Variants in SAMD12 observed in about 807,000 individuals in gnomAD.
SAMD12 encodes sterile alpha motif domain containing 12.
Under a neutral mutation model 15.0 loss-of-function variants are expected in SAMD12, and 9 were observed. That is an observed-to-expected ratio of 0.60 (90% CI 0.36 to 1.05). SAMD12 has a LOEUF of 1.05. Ranked by LOEUF, SAMD12 falls within the 50% of genes least tolerant of loss-of-function variation. The probability of loss-of-function intolerance (pLI) is 0.01; values close to 1 mark genes in which losing one functional copy is unlikely to be tolerated. For synonymous variants in SAMD12, 86 were observed against 90.1 expected, an observed-to-expected ratio of 0.96 and a Z score of 0.25; for missense variants, 230 against 234.2, an observed-to-expected ratio of 0.98 and a Z score of 0.12.
chr8:118,235,343 T>C (rs1464875623), intron 4 of SAMD12, among the ~76,000 whole-genome samples: 1 of 152,144 alleles, frequency 6.6e-6, no homozygotes, highest in African/African-American at 2.4e-5. Context: ...CTGAAGTAAC[T>C]GGGACTACAG....
chr8:118,429,187 G>A (rs577166340), intron 3 of SAMD12, among the ~76,000 whole-genome samples: 27 of 152,100 alleles, frequency 1.8e-4, no homozygotes, highest in East Asian at 1.4e-3. Flanking sequence ...TGTATTTTGC[G>A]CACTAAGTTA....
chr8:118,502,324 T>G (rs759497734), intron 2 of SAMD12, among the ~76,000 whole-genome samples: 5 of 152,340 alleles, frequency 3.3e-5, no homozygotes, highest in Middle Eastern at 3.4e-3. Flanking sequence ...GTGAGACTGT[T>G]TTGATGAATA....
chr8:118,592,797 G>T (rs1318896004), intron 1 of SAMD12, among the ~76,000 whole-genome samples: 1 of 152,118 alleles, frequency 6.6e-6, no homozygotes, highest in Non-Finnish European at 1.5e-5. Context: ...AAGGTAGAAG[G>T]TTACAAAGGT....
chr8:118,521,970 A>G (rs948854580), intron 2 of SAMD12, among the ~76,000 whole-genome samples: 2 of 152,150 alleles, frequency 1.3e-5, no homozygotes, highest in Non-Finnish European at 2.9e-5. Flanking sequence ...TCAACAGAAA[A>G]TACAGTGTGC....
chr8:118,305,477 G>T (rs1815292689), intron 4 of SAMD12, among the ~76,000 whole-genome samples: 1 of 152,020 alleles, frequency 6.6e-6, no homozygotes, highest in Non-Finnish European at 1.5e-5. Context: ...TTCTTTTTAT[G>T]GCTGAATATT....
At chr8:118,266,303 T>A (rs1813198370) in intron 4 of SAMD12, among the ~76,000 whole-genome samples, 1 of 152,176 alleles carries the variant, frequency 6.6e-6, no homozygotes, top group Admixed American at 6.6e-5. Flanking sequence ...TCACACCTCA[T>A]ATCTGTCAGA....
chr8:118,242,766 C>G (rs1187360059), intron 4 of SAMD12, among the ~76,000 whole-genome samples: 1 of 152,122 alleles, frequency 6.6e-6, no homozygotes, highest in Non-Finnish European at 1.5e-5. Flanking sequence ...ACAGGTTTCT[C>G]TCAAAATGAG....
chr8:118,300,039 T>C (rs1586469423), intron 4 of SAMD12, among the ~76,000 whole-genome samples: 1 of 152,102 alleles, frequency 6.6e-6, no homozygotes, highest in East Asian at 1.9e-4. Flanking sequence ...TTACTTTTTT[T>C]TAATTGACAT....
chr8:118,262,545 T>G (rs1813103533), intron 4 of SAMD12, among the ~76,000 whole-genome samples: 1 of 151,998 alleles, frequency 6.6e-6, no homozygotes, highest in Non-Finnish European at 1.5e-5. Context: ...CCATCTGAAG[T>G]CTAAATAAAG....
At chr8:118,188,645 T>G (rs145133782), downstream of SAMD12, among the ~76,000 whole-genome samples, 39 of 152,324 alleles carry the variant, frequency 2.6e-4, no homozygotes, top group East Asian at 7.1e-3. Flanking sequence ...ATTCATCATA[T>G]TCAGTAGAGT....
At chr8:118,389,864 CAGA>C (rs1268712646) in intron 3 of SAMD12, among the ~76,000 whole-genome samples, 1 of 152,064 alleles carries the variant, frequency 6.6e-6, no homozygotes, top group Non-Finnish European at 1.5e-5. Context: ...AGTGAAAATC[CAGA>C]AGTTCTATGA....
At chr8:118,348,036 T>C (rs187086881) in intron 4 of SAMD12, among the ~76,000 whole-genome samples, 12 of 152,300 alleles carry the variant, frequency 7.9e-5, no homozygotes, top group Non-Finnish European at 1.5e-4. Context: ...GAACAGTGCT[T>C]AGGACACATC....
In SAMD12 at chr8:118,319,795, A is replaced by G. The variant is rs534194364; in HGVS notation, c.433+59765T>C. 2.0e-5 allele frequency among the ~76,000 whole-genome samples: 3 copies of G among 152,296 alleles called. No homozygotes were observed. The South Asian group carries it at 6.2e-4, about 32-fold the overall frequency. The stretch of plus-strand genomic sequence containing the variant: ...AATCAAAAGATAGATGCAGGAGAAA[A>G]GCGCAGGTTTGGTGTTTGAGATAAT... On this transcript the variant is annotated intron_variant, in intron 4 of 4. Transcript: ENST00000409003.
the SAMD12 span, among the ~76,000 whole-genome samples, chr8:118,143,248 T>G: frequency 1.3e-5 from 2 of 152,304 alleles, no homozygotes; most frequent in East Asian, 3.9e-4. Flanking sequence ...TCCTTTTAGA[T>G]AATGTGTACT....
chr8:118,271,653 G>A (rs1247495022), intron 4 of SAMD12, among the ~76,000 whole-genome samples: 6 of 152,180 alleles, frequency 3.9e-5, no homozygotes, highest in Non-Finnish European at 8.8e-5. Flanking sequence ...ATACAATGGG[G>A]GTAAAGGCAT....
intron 2 of SAMD12, among the ~76,000 whole-genome samples, chr8:118,492,822 A>G (rs1824489144): frequency 6.6e-6 from 1 of 152,218 alleles, no homozygotes; most frequent in Non-Finnish European, 1.5e-5. Flanking sequence ...CATATATGAA[A>G]GCTAATATTC....
intron 3 of SAMD12, among the ~76,000 whole-genome samples, chr8:118,419,299 ATC>A (rs1821881959): frequency 6.6e-6 from 1 of 151,842 alleles, no homozygotes; most frequent in South Asian, 2.1e-4. Flanking sequence ...GTTTTTTAAT[ATC>A]TCTGAGCTTC....
At chr8:118,238,827 A>C (rs921843575) in intron 4 of SAMD12, among the ~76,000 whole-genome samples, 3 of 152,162 alleles carry the variant, frequency 2.0e-5, no homozygotes, top group Non-Finnish European at 2.9e-5. Context: ...AATAGTGAAG[A>C]TGGGATTCAA....
chr8:118,367,385 C>T (rs1042239164), intron 4 of SAMD12, among the ~76,000 whole-genome samples: 1 of 152,188 alleles, frequency 6.6e-6, no homozygotes, highest in Non-Finnish European at 1.5e-5. Context: ...GAACACCGCA[C>T]ATATTAGACT....
Sources: allele counts gnomAD v4.1 joint callset (sites outside exome capture counted in the v4.1 genomes callset), GRCh38; gene constraint gnomAD v4.1.1; transcripts MANE v1.5; gene names NCBI Gene and HGNC (gene_info 2026-07-23, HGNC 2026-07-21).